The following RBFOX1 variants were observed in gnomAD, a reference collection of about 807,000 sequenced individuals.
RBFOX1 encodes the protein RNA binding protein fox-1 homolog 1.
Under a neutral mutation model 57.7 loss-of-function variants are expected in RBFOX1, and 8 were observed. The ratio of observed to expected loss-of-function variants is 0.14; its 90% CI spans 0.08 to 0.25. The LOEUF is 0.25. Ranked by LOEUF, RBFOX1 falls within the 10% of genes least tolerant of loss-of-function variation. RBFOX1 has a pLI of 1.00. For missense variants in RBFOX1, 611 were observed against 548.5 expected (o/e 1.11, Z -1.14); for synonymous variants, 326 against 222.4 (o/e 1.47, Z -4.15).
At chr16:5,313,992 C>G (rs978737038) in intron 1 of RBFOX1, among the ~76,000 whole-genome samples, 2 of 152,110 alleles carry the variant, frequency 1.3e-5, no homozygotes, top group African/African-American at 4.8e-5. Context: ...CCATCACATT[C>G]TCAAGAGGGG....
chr16:5,633,498 A>G (rs12444216), intron 3 of RBFOX1, among the ~76,000 whole-genome samples: 1 of 152,142 alleles, frequency 6.6e-6, no homozygotes, highest in Non-Finnish European at 1.5e-5. Flanking sequence ...ATATTCACAA[A>G]CTGTGTATCC....
intron 1 of RBFOX1, among the ~76,000 whole-genome samples, chr16:5,242,134 GAGAC>G (rs1165792641): frequency 2.6e-5 from 4 of 151,518 alleles, no homozygotes; most frequent in Non-Finnish European, 4.4e-5. Context: ...GAGAGAGAGA[GAGAC>G]AGACAGACCC....
At chr16:7,523,185 G>A (rs1422828535) in intron 5 of RBFOX1, among the ~76,000 whole-genome samples, 1 of 152,082 alleles carries the variant, frequency 6.6e-6, no homozygotes, top group African/African-American at 2.4e-5. Context: ...CCTTTTCATT[G>A]CTGAGTACTG....
At chr16:6,469,568 G>T (rs1318937571) in intron 2 of RBFOX1, among the ~76,000 whole-genome samples, 2 of 152,192 alleles carry the variant, frequency 1.3e-5, no homozygotes, top group Non-Finnish European at 2.9e-5. Flanking sequence ...AGGTATCTCA[G>T]CACTCAAGAA....
chr16:5,416,078 T>G (rs556877944), intron 1 of RBFOX1, among the ~76,000 whole-genome samples: 2 of 152,290 alleles, frequency 1.3e-5, no homozygotes, highest in Non-Finnish European at 2.9e-5. Context: ...GAAATTTAAG[T>G]CTTACACTGG....
intron 4 of RBFOX1, among the ~76,000 whole-genome samples, chr16:5,929,315 C>CCTCTCTCT (rs112397291): frequency 6.1e-5 from 9 of 148,022 alleles, no homozygotes; most frequent in African/African-American, 1.7e-4. Context: ...CAGTCTTAAG[C>CCTCTCTCT]CTCTCTCTCT....
intron 3 of RBFOX1, among the ~76,000 whole-genome samples, chr16:6,994,418 C>T (rs1343726467): frequency 1.3e-5 from 2 of 152,154 alleles, no homozygotes; most frequent in Admixed American, 1.3e-4. Flanking sequence ...ATGCTTCAGG[C>T]ACCCAATTGT....
chr16:6,039,813 T>G (rs958004406), intron 1 of RBFOX1, among the ~76,000 whole-genome samples: 1 of 152,238 alleles, frequency 6.6e-6, no homozygotes, highest in Non-Finnish European at 1.5e-5. Flanking sequence ...TCTCTCCTGA[T>G]GTTGCAGCTG....
rs141865326 is a variant in RBFOX1 at position 6,319,891 on chromosome 16, T to A, written c.-64+2834T>A. ...AAAAATCCCATGGCATGCTGCATCA[T>A]GTTTATAATTAATTAATTGTGCAAA... On this transcript the variant is annotated intron_variant, in intron 2 of 15. Coordinates refer to ENST00000550418, the MANE Select transcript of RBFOX1 (RefSeq NM_018723.4). Among the ~76,000 whole-genome samples the A allele has an allele frequency of 2.2e-4, 34 of 152,352 alleles. 1 individual carries two copies. Among genetic ancestry groups the A allele is most frequent in the African/African-American group, 7.9e-4 (33 of 41,588 alleles).
chr16:6,873,116 A>C (rs950482454), intron 3 of RBFOX1, among the ~76,000 whole-genome samples: 6 of 150,836 alleles, frequency 4.0e-5, no homozygotes, highest in African/African-American at 1.5e-4. Flanking sequence ...AGAAACTTTT[A>C]GTTTCTATGC....
Position 6,019,073 on chromosome 16 carries a change from TCACACACACACAGACACACACGCA to T in RBFOX1, c.-1035_-1012del. On this transcript the variant is annotated 5_prime_UTR_variant, in exon 1 of 16. It adds an upstream start codon to the 5' untranslated region. Coordinates refer to ENST00000550418, the MANE Select transcript of RBFOX1 (RefSeq NM_018723.4). This position sits in a 1 kb window ranked among gnomAD's most constrained non-coding sequence, Gnocchi z 4.2. ...GGGCTGCTCGCTGCTTGTCGCGCGC[TCACACACACACAGACACACACGCA>T]CACACACACATGCACACATTTTCTC... The T allele has an allele frequency of 5.1e-6, 5 of 979,406 alleles. No homozygotes were observed. Among genetic ancestry groups the T allele is most frequent in the Non-Finnish European group, 6.1e-6 (5 of 825,448 alleles). 60.7% of individuals were successfully genotyped at this position (979,406 alleles called of 1,614,324 possible).
chr16:6,381,080 A>T (rs1282892501), intron 2 of RBFOX1, among the ~76,000 whole-genome samples: 1 of 152,112 alleles, frequency 6.6e-6, no homozygotes, highest in Non-Finnish European at 1.5e-5. Flanking sequence ...GGGCAAGGGG[A>T]TTTGGGAAGT....
chr16:6,734,816 A>G (rs2069671408), intron 3 of RBFOX1, among the ~76,000 whole-genome samples: 1 of 152,206 alleles, frequency 6.6e-6, no homozygotes. Flanking sequence ...TACGAAATCT[A>G]GATGCATAAA....
intron 3 of RBFOX1, among the ~76,000 whole-genome samples, chr16:6,685,597 A>AC (rs1398893270): frequency 6.6e-6 from 1 of 151,904 alleles, no homozygotes; most frequent in Non-Finnish European, 1.5e-5. Flanking sequence ...CAAGAGTTTC[A>AC]TTTTTTGGTC....
At chr16:6,672,173 T>A (rs2098769638) in intron 3 of RBFOX1, among the ~76,000 whole-genome samples, 1 of 152,230 alleles carries the variant, frequency 6.6e-6, no homozygotes, top group South Asian at 2.1e-4. Context: ...TATCTTTTAT[T>A]TAGTTTCTAT....
intron 3 of RBFOX1, among the ~76,000 whole-genome samples, chr16:7,030,284 T>G (rs1597466515): frequency 6.6e-6 from 1 of 152,294 alleles, no homozygotes; most frequent in South Asian, 2.1e-4. Context: ...GTCAGGACTT[T>G]CATACCCATT....
intron 3 of RBFOX1, among the ~76,000 whole-genome samples, chr16:5,795,256 G>A (rs1263407834): frequency 6.6e-6 from 1 of 151,732 alleles, no homozygotes; most frequent in Non-Finnish European, 1.5e-5. Context: ...CTTGGTTCCT[G>A]TTAAGGACCA....
At chr16:7,490,324 A>T (rs1158127331) in intron 4 of RBFOX1, among the ~76,000 whole-genome samples, 1 of 152,188 alleles carries the variant, frequency 6.6e-6, no homozygotes, top group East Asian at 1.9e-4. Context: ...CTGCTAGACT[A>T]GGGGAGGCTC....
chr16:6,586,802 T>G (rs1417721260), intron 2 of RBFOX1, among the ~76,000 whole-genome samples: 1 of 152,148 alleles, frequency 6.6e-6, no homozygotes, highest in African/African-American at 2.4e-5. Context: ...GAAGCAGGGT[T>G]TTGTTTTAAC....
Sources: allele counts gnomAD v4.1 joint callset (sites outside exome capture counted in the v4.1 genomes callset), GRCh38; gene constraint gnomAD v4.1.1; non-coding constraint Gnocchi (gnomAD v3.1); transcripts MANE v1.5; gene names NCBI Gene and HGNC (gene_info 2026-07-23, HGNC 2026-07-21).